Variants in DACH2 observed in about 807,000 individuals in gnomAD.
The protein encoded by DACH2 is dachshund homolog 2.
A neutral mutation model predicts 35.8 loss-of-function variants in DACH2; 17 were observed. The observed-to-expected ratio is 0.48, with a 90% CI of 0.33 to 0.71. The LOEUF (loss-of-function observed/expected upper bound fraction) is 0.71, where lower values mean the gene tolerates loss of function less well. Ranked by LOEUF, DACH2 falls within the 30% of genes least tolerant of loss-of-function variation. The pLI, the probability that DACH2 is intolerant of heterozygous loss-of-function variation, is 0.02. For missense variants in DACH2, 469 were observed against 472.7 expected (o/e 0.99, Z 0.07); for synonymous variants, 195 against 177.3 (o/e 1.10, Z -0.79).
intron 1 of DACH2, among the ~76,000 whole-genome samples, chrX:86,238,695 A>G (rs1195806632): frequency 9.0e-6 from 1 of 110,573 alleles, no homozygotes; most frequent in East Asian, 2.8e-4. Flanking sequence ...AGATATAATA[A>G]TAGCTTGCAT....
chrX:86,469,799 A>G (rs778129336), intron 2 of DACH2, among the ~76,000 whole-genome samples: 1 of 110,187 alleles, frequency 9.1e-6, no homozygotes, highest in South Asian at 3.9e-4. Flanking sequence ...GCATTCTACT[A>G]GGCTTTCCTA....
At chrX:86,307,310 CTTA>C (rs1431351299) in intron 1 of DACH2, among the ~76,000 whole-genome samples, 2 of 111,739 alleles carry the variant, frequency 1.8e-5, no homozygotes, top group African/African-American at 6.5e-5. Context: ...GACACAAGTT[CTTA>C]TCATGAAAGT....
rs370121025 is a variant in DACH2 at position 86,275,393 on chromosome X, C to A, written c.489-101431C>A. Among the ~76,000 whole-genome samples the A allele has an allele frequency of 1.7e-4, 19 of 110,189 alleles. No homozygotes were observed. In the South Asian group the frequency reaches 6.5e-3, roughly 38 times the overall value. On this transcript the variant is annotated intron_variant, in intron 1 of 11. Coordinates refer to ENST00000373125, the MANE Select transcript of DACH2 (RefSeq NM_053281.3). The stretch of plus-strand genomic sequence containing the variant: ...TTAAATTGAAATTTTGTTTTTTTAA[C>A]CTTTAAAGTTTTTCATTTTAATTTT...
chrX:86,330,821 C>T (rs1202661545), intron 1 of DACH2, among the ~76,000 whole-genome samples: 1 of 111,355 alleles, frequency 9.0e-6, no homozygotes, highest in Non-Finnish European at 1.9e-5. Context: ...TTAAGAAATA[C>T]TAAAATGAAA....
chrX:86,277,686 C>T (rs962511529), intron 1 of DACH2, among the ~76,000 whole-genome samples: 1 of 111,276 alleles, frequency 9.0e-6, no homozygotes, highest in African/African-American at 3.3e-5. Flanking sequence ...GCAAAGGAGA[C>T]GAGTCTTGAA....
At chrX:86,554,106 CAT>C (rs1198910366) in intron 3 of DACH2, among the ~76,000 whole-genome samples, 2 of 110,944 alleles carry the variant, frequency 1.8e-5, no homozygotes, top group Non-Finnish European at 3.8e-5. Flanking sequence ...TTTGATAACT[CAT>C]ATATTTTGTG....
chrX:86,161,682 T>C (rs912535713), intron 1 of DACH2, among the ~76,000 whole-genome samples: 1 of 112,305 alleles, frequency 8.9e-6, no homozygotes, highest in African/African-American at 3.2e-5. Context: ...ATTTTCATGA[T>C]GGGCACATAT....
At chrX:86,384,593 A>G (rs1023338299) in intron 2 of DACH2, among the ~76,000 whole-genome samples, 7 of 111,959 alleles carry the variant, frequency 6.3e-5, no homozygotes, top group African/African-American at 2.3e-4. Context: ...CTCCCAGTGT[A>G]TGAGGACTCT....
intron 1 of DACH2, chrX:86,161,249 C>A (rs1173254572): frequency 5.6e-5 from 67 of 1,191,901 alleles, no homozygotes; most frequent in Non-Finnish European, 7.5e-5. Flanking sequence ...GAAGGGCATG[C>A]TCACTGGTCT....
chrX:86,504,687 A>C (rs915710096), intron 2 of DACH2, among the ~76,000 whole-genome samples: 1 of 111,101 alleles, frequency 9.0e-6, no homozygotes, highest in African/African-American at 3.3e-5. Flanking sequence ...GGCAACTTTA[A>C]AGATCTTCAT....
At chrX:86,430,005 TTTTCACACAGAC>T (rs2036960720) in intron 2 of DACH2, among the ~76,000 whole-genome samples, 1 of 112,574 alleles carries the variant, frequency 8.9e-6, no homozygotes, top group East Asian at 2.8e-4. Context: ...ATGTGGAATA[TTTTCACACAGAC>T]TTTTATGGAA....
intron 1 of DACH2, among the ~76,000 whole-genome samples, chrX:86,170,065 C>T (rs1334785320): frequency 8.9e-6 from 1 of 111,950 alleles, no homozygotes; most frequent in African/African-American, 3.2e-5. Flanking sequence ...AAGTCTAGTA[C>T]TGCTGTGGTT....
At chrX:86,272,619 A>T (rs2033835334) in intron 1 of DACH2, among the ~76,000 whole-genome samples, 1 of 111,785 alleles carries the variant, frequency 8.9e-6, no homozygotes, top group Non-Finnish European at 1.9e-5. Flanking sequence ...CAAAGTAAAA[A>T]TTTCAAAACT....
intron 2 of DACH2, among the ~76,000 whole-genome samples, chrX:86,503,085 C>T (rs1444489461): frequency 8.9e-6 from 1 of 112,065 alleles, no homozygotes; most frequent in Admixed American, 9.5e-5. Flanking sequence ...ACACACAATA[C>T]ATACATAGTC....
chrX:86,283,726 G>A lies in DACH2; in HGVS notation c.489-93098G>A, dbSNP rs561354476. ...GAACATCACACACTGGGGCCTGTTG[G>A]GGGTGGGGGGACTGGGTGGGGGATA... is the stretch of plus-strand genomic sequence containing the variant. On this transcript the variant is annotated intron_variant, in intron 1 of 11. Transcript: ENST00000373125. Among the ~76,000 whole-genome samples, 274 of 107,663 alleles carry A rather than the reference G, an allele frequency of 2.5e-3. 6 individuals are homozygous for A. The highest frequency in any genetic ancestry group is 0.025 in the Admixed American group (249 of 9,879). The allele number at this position is 107,663 out of a possible 115,157, so 93.5% of individuals were successfully genotyped here.
At chrX:86,631,175 G>T (rs12558307) in intron 3 of DACH2, among the ~76,000 whole-genome samples, 1 of 111,129 alleles carries the variant, frequency 9.0e-6, no homozygotes, top group South Asian at 3.7e-4. Flanking sequence ...AAGAACCACC[G>T]GAATTTTTGT....
chrX:86,605,632 T>A (rs998987736), intron 3 of DACH2, among the ~76,000 whole-genome samples: 19 of 111,525 alleles, frequency 1.7e-4, no homozygotes, highest in Admixed American at 5.7e-4. Context: ...TTTTAAAAAA[T>A]TTTTTCAGCC....
At chrX:86,343,742 T>C (rs890613261) in intron 1 of DACH2, among the ~76,000 whole-genome samples, 4 of 111,845 alleles carry the variant, frequency 3.6e-5, no homozygotes, top group Non-Finnish European at 7.5e-5. Context: ...ATTAAAAATG[T>C]ATATAAAATT....
chrX:86,479,211 T>TTG (rs940723813), intron 2 of DACH2, among the ~76,000 whole-genome samples: 1 of 110,926 alleles, frequency 9.0e-6, no homozygotes, highest in African/African-American at 3.3e-5. Context: ...ATCCAGCCAT[T>TTG]TGTGTGTGTG....
Sources: allele counts gnomAD v4.1 joint callset (sites outside exome capture counted in the v4.1 genomes callset), GRCh38; gene constraint gnomAD v4.1.1; transcripts MANE v1.5; gene names NCBI Gene and HGNC (gene_info 2026-07-23, HGNC 2026-07-21).